PKD1L1: variants seen among roughly 807,000 people sequenced by gnomAD.
PKD1L1 encodes polycystin 1 like 1, transient receptor potential channel interacting, also known as polycystin-1-like protein 1.
Under a neutral mutation model 323.4 loss-of-function variants are expected in PKD1L1, and 236 were observed. The observed-to-expected ratio is 0.73, with a 90% CI of 0.66 to 0.81. The LOEUF is 0.81. Ranked by LOEUF, PKD1L1 falls within the 40% of genes least tolerant of loss-of-function variation. The pLI, the probability that PKD1L1 is intolerant of heterozygous loss-of-function variation, is 0.00. For synonymous variants in PKD1L1, 1,344 were observed against 1,335.0 expected, an observed-to-expected ratio of 1.01 and a Z score of -0.15; for missense variants, 3,320 against 3,508.0, an observed-to-expected ratio of 0.95 and a Z score of 1.35.
rs201946817 is a variant in PKD1L1, at chr7:47,800,870, C to T, written c.7972G>A (p.Ala2658Thr). 7 of 1,613,512 alleles carry T rather than the reference C, an allele frequency of 4.3e-6. No individual in the cohort carries two copies. In the African/African-American group the frequency reaches 8.0e-5, roughly 18 times the overall value. ...TGGGAGAGGGCGGCCAGCATCAGTGCCCCCACCAGCTGCAGAAAGAAAATC... is the reference window on the plus strand; with the variant it reads ...TGGGAGAGGGCGGCCAGCATCAGTGTCCCCACCAGCTGCAGAAAGAAAATC... ...PSIFVAGLVG[A>T]LMLAALSHLH... is the part of the protein sequence containing the mutation. The change falls in exon 54 of 57, where the codon GCA becomes ACA. Residue 2658 changes from alanine to threonine, a missense_variant. Physicochemically the swap from Ala to Thr is moderately conservative, Grantham distance 58. Transcript: ENST00000289672.
chr7:47,889,162 C>G (rs1239725415), intron 16 of PKD1L1, among the ~76,000 whole-genome samples: 1 of 152,026 alleles, frequency 6.6e-6, no homozygotes, highest in Admixed American at 6.5e-5. Context: ...CGGACATGGG[C>G]AAAGAGAGGT....
chr7:47,820,973 T>A, intron 46 of PKD1L1, 103 bp downstream of exon 46: 1 of 679,106 alleles, frequency 1.5e-6, no homozygotes, highest in Non-Finnish European at 2.6e-6. Context: ...GTGACAATCT[T>A]TCCAGTATTT....
At chr7:47,913,605 C>A (rs184450557) in intron 8 of PKD1L1, among the ~76,000 whole-genome samples, 12 of 152,142 alleles carry the variant, frequency 7.9e-5, no homozygotes, top group Non-Finnish European at 1.2e-4. Context: ...ACCTCCCCCC[C>A]TCTTGCTCCT....
intron 17 of PKD1L1, among the ~76,000 whole-genome samples, chr7:47,886,487 C>T (rs1309342869): frequency 6.6e-6 from 1 of 152,126 alleles, no homozygotes; most frequent in Non-Finnish European, 1.5e-5. Context: ...GAAATATAAT[C>T]CCCAGTGTTG....
rs75673049 is a variant in PKD1L1 at position 47,919,676 on chromosome 7, G to C, written c.1061-4077C>G. Among the ~76,000 whole-genome samples, 841 of 152,280 alleles carry C rather than the reference G, an allele frequency of 5.5e-3. 7 individuals carry two copies. Among genetic ancestry groups the C allele is most frequent in the African/African-American group, 0.02 (816 of 41,546 alleles). ...CAAAAAGATAATCCACCATAATCAA[G>C]TGGGTTTCATACGAGGGATGCAGGT... On this transcript the variant is annotated intron_variant, in intron 7 of 56. Coordinates refer to ENST00000289672, the MANE Select transcript of PKD1L1 (RefSeq NM_138295.5).
intron 56 of PKD1L1, among the ~76,000 whole-genome samples, chr7:47,788,577 A>T (rs199879661): frequency 0.021 from 2,906 of 138,012 alleles, 58 homozygotes; most frequent in African/African-American, 0.054. Flanking sequence ...ATATATATAT[A>T]TTTTTTTTTT....
intron 12 of PKD1L1, among the ~76,000 whole-genome samples, chr7:47,904,129 CCCA>C (rs1467249323): frequency 1.3e-5 from 2 of 152,182 alleles, no homozygotes; most frequent in African/African-American, 2.4e-5. Context: ...GTAAGCCATC[CCCA>C]CCACATCACA....
chr7:47,910,826 T>TTGTG (rs60550498), intron 8 of PKD1L1, among the ~76,000 whole-genome samples: 2,976 of 126,108 alleles, frequency 0.024, 48 homozygotes, highest in African/African-American at 0.042. Flanking sequence ...CCAGCTGATT[T>TTGTG]TGTGTGTGTG....
intron 53 of PKD1L1, among the ~76,000 whole-genome samples, chr7:47,801,215 A>T (rs1197431318): frequency 6.6e-6 from 1 of 152,078 alleles, no homozygotes; most frequent in Non-Finnish European, 1.5e-5. Context: ...TGGCCCCCTT[A>T]GGAAGCCATG....
chr7:47,855,648 G>A lies in PKD1L1; in HGVS notation c.4591-383C>T, dbSNP rs1356627154. 1.4e-5 allele frequency among the ~76,000 whole-genome samples: 2 copies of A among 140,432 alleles called. 1 individual carries two copies. The highest frequency in any genetic ancestry group is 3.1e-5 in the Non-Finnish European group (2 of 65,348). 92.1% of individuals were successfully genotyped at this position (140,432 alleles called of 152,430 possible). ...TCCCAGCACTTTGGGAGGCCGAGGC[G>A]GGCGGATCACGAGGTCAGGAGATCG... On this transcript the variant is annotated intron_variant, in intron 28 of 56. Transcript: ENST00000289672.
chr7:47,929,309 C>T lies in PKD1L1; in HGVS notation c.955G>A (p.Ala319Thr), dbSNP rs1260521259. ...CCGAAATCCATCATCAGACAGAGAG[C>T]CTCTCCAGAAGCCATATGAACACGG... The part of the protein sequence containing the change: ...GFRVHMASGE[A>T]LCLMMDFGDS... The change falls in exon 7 of 57, where the codon GCT becomes ACT. Residue 319 changes from alanine to threonine, a missense_variant. By Grantham distance (58) the Ala-to-Thr change is moderately conservative. Transcript: ENST00000289672. The T allele has an allele frequency of 6.2e-7, 1 of 1,614,194 alleles. No individual in the cohort carries two copies.
At chr7:47,932,449 G>A (rs1212121284) in intron 4 of PKD1L1, among the ~76,000 whole-genome samples, 1 of 152,244 alleles carries the variant, frequency 6.6e-6, no homozygotes, top group African/African-American at 2.4e-5. Context: ...CACCGCGGAA[G>A]GCCTGGTGGT....
intron 46 of PKD1L1, among the ~76,000 whole-genome samples, chr7:47,816,203 T>G (rs1785015228): frequency 6.6e-6 from 1 of 152,234 alleles, no homozygotes; most frequent in Non-Finnish European, 1.5e-5. Context: ...GTGGCAGATG[T>G]GAAGACATAG....
At chr7:47,803,119 G>C (rs1459137726) in intron 53 of PKD1L1, 91 bp downstream of exon 53, 3 of 1,509,558 alleles carry the variant, frequency 2.0e-6, no homozygotes, top group African/African-American at 2.8e-5. Flanking sequence ...TTAACCTTGA[G>C]AGCAGTTTGT....
chr7:47,775,804 C>CTT (rs1302717070), intron 56 of PKD1L1, among the ~76,000 whole-genome samples: 2 of 138,804 alleles, frequency 1.4e-5, no homozygotes, highest in African/African-American at 5.3e-5. Context: ...GAAACCAGTG[C>CTT]TGTAGATAAC....
Position 47,931,323 on chromosome 7 carries a change from T to G in PKD1L1, c.520-2A>C, listed in dbSNP as rs1787768161. The G allele has an allele frequency of 6.2e-7, 1 of 1,613,962 alleles. No homozygotes were observed. Among genetic ancestry groups the G allele is most frequent in the Admixed American group, 1.7e-5 (1 of 60,004 alleles). On this transcript the variant is annotated splice_acceptor_variant, in intron 5 of 56. Coordinates refer to ENST00000289672, the MANE Select transcript of PKD1L1 (RefSeq NM_138295.5). LOFTEE classifies it high-confidence loss of function. ...TGCTGCAGAAGTGGTGCCCTGGAGC[T>G]TAAAAGTTTAAGAACAGTTCAGGGT...
chr7:47,892,013 A>C (rs1786830301), intron 15 of PKD1L1, among the ~76,000 whole-genome samples: 1 of 152,186 alleles, frequency 6.6e-6, no homozygotes. Context: ...AAACAACGCA[A>C]CTCATCTATT....
chr7:47,894,866 A>T, intron 14 of PKD1L1, among the ~76,000 whole-genome samples: 1 of 151,626 alleles, frequency 6.6e-6, no homozygotes, highest in Non-Finnish European at 1.5e-5. Flanking sequence ...AAAAAAAAAA[A>T]AAAACTGACG....
At chr7:47,835,075 C>A (rs1462640504) in intron 38 of PKD1L1, 36 bp from the exon 39 acceptor site, 3 of 1,611,410 alleles carry the variant, frequency 1.9e-6, no homozygotes, top group Non-Finnish European at 2.5e-6. Flanking sequence ...CAAGCGTGTT[C>A]CCCAGCAATG....
Sources: gnomAD v4.1 joint callset for allele counts (sites outside exome capture counted in the v4.1 genomes callset) on GRCh38, gnomAD v4.1.1 for gene constraint, MANE v1.5 for transcripts, NCBI Gene and HGNC (gene_info 2026-07-23, HGNC 2026-07-21) for gene names.